Variants in EPB41L2 observed in about 807,000 individuals in gnomAD.
EPB41L2 encodes band 4.1-like protein 2.
EPB41L2 carries 43 observed loss-of-function variants against 113.0 expected under a neutral mutation model. The observed-to-expected ratio is 0.38, with a 90% CI of 0.30 to 0.49. The LOEUF (loss-of-function observed/expected upper bound fraction) is 0.49, where lower values mean the gene tolerates loss of function less well. EPB41L2 is among the 20% of genes least tolerant of loss of function. The probability of loss-of-function intolerance (pLI) is 0.95; values close to 1 mark genes in which losing one functional copy is unlikely to be tolerated. For missense variants in EPB41L2, 1,147 were observed against 1,223.4 expected, an observed-to-expected ratio of 0.94 and a Z score of 0.93; for synonymous variants, 442 against 436.7, an observed-to-expected ratio of 1.01 and a Z score of -0.15.
intron 10 of EPB41L2, among the ~76,000 whole-genome samples, chr6:130,892,687 T>A (rs569830208): frequency 6.6e-6 from 1 of 152,256 alleles, no homozygotes; most frequent in African/African-American, 2.4e-5. Flanking sequence ...CAAGAAAGAA[T>A]CATGTGTGCC....
In EPB41L2 at chr6:130,904,527, T is replaced by C. The variant is rs777207680; in HGVS notation, c.867A>G (p.Leu289=). The C allele has an allele frequency of 2.9e-5, 47 of 1,602,726 alleles. 1 individual carries two copies. Among genetic ancestry groups the C allele is most frequent in the South Asian group, 1.6e-4 (14 of 90,016 alleles). The change falls in exon 6 of 20, where the codon CTA becomes CTG. Residue 289 remains leucine, a synonymous_variant. Coordinates refer to ENST00000337057, the MANE Select transcript of EPB41L2 (RefSeq NM_001431.4). The part of the protein sequence containing the change: ...IKRQLRNLPW[L]FTFNVKFYPP... ...GATAAAACTTCACATTAAAAGTGAA[T>C]AGCCATGGAAGGTCTGTAATTATTA... is the stretch of plus-strand genomic sequence containing the variant.
chr6:131,013,590 G>A (rs1054227761), intron 1 of EPB41L2: 9 of 152,160 alleles, frequency 5.9e-5, no homozygotes, highest in Admixed American at 6.5e-5. Context: ...TAGAGTTGCT[G>A]TTTTTGCCTC....
At chr6:130,992,792 AT>A (rs1459701610) in intron 1 of EPB41L2, among the ~76,000 whole-genome samples, 1 of 145,390 alleles carries the variant, frequency 6.9e-6, no homozygotes, top group Non-Finnish European at 1.6e-5. Flanking sequence ...CGCCCAGCTA[AT>A]TTTTGTTATT....
At chr6:130,973,197 A>G (rs1245546782) in intron 1 of EPB41L2, among the ~76,000 whole-genome samples, 1 of 152,128 alleles carries the variant, frequency 6.6e-6, no homozygotes, top group African/African-American at 2.4e-5. Flanking sequence ...CTTTTTTAAA[A>G]ATTTTATTTT....
chr6:131,000,706 T>A (rs1487635385), intron 1 of EPB41L2: 1 of 152,216 alleles, frequency 6.6e-6, no homozygotes, highest in African/African-American at 2.4e-5. Context: ...TGTTACCACC[T>A]TGCTTGCTGG....
At chr6:130,967,083 A>G (rs1584058836) in intron 1 of EPB41L2, among the ~76,000 whole-genome samples, 1 of 152,110 alleles carries the variant, frequency 6.6e-6, no homozygotes, top group Non-Finnish European at 1.5e-5. Context: ...TCTTCATTTA[A>G]AAAAATACAG....
chr6:130,894,902 A>G (rs1012867269), intron 9 of EPB41L2, 65 bp downstream of exon 9: 10 of 1,448,052 alleles, frequency 6.9e-6, no homozygotes, highest in Non-Finnish European at 9.2e-6. Context: ...ATAGAAAAGA[A>G]TTTTTAAATT....
chr6:130,903,676 T>TTA (rs1796922977), intron 6 of EPB41L2, among the ~76,000 whole-genome samples: 1 of 149,448 alleles, frequency 6.7e-6, no homozygotes, highest in South Asian at 2.1e-4. Context: ...AATCATCCTT[T>TTA]AAAAAAAAAA....
chr6:130,915,973 C>T lies in EPB41L2; in HGVS notation c.811-7110G>A, dbSNP rs528349692. Reference sequence around the variant, plus strand: ...TATGTCTTTATCAGCAGTATGAAAACAGACTAATATACATACCTATTACTT... The same window carrying T: ...TATGTCTTTATCAGCAGTATGAAAATAGACTAATATACATACCTATTACTT... On this transcript the variant is annotated intron_variant, in intron 4 of 19. Transcript: ENST00000337057. 7.2e-5 allele frequency among the ~76,000 whole-genome samples: 11 copies of T among 152,272 alleles called. No individual in the cohort carries two copies. In the South Asian group the frequency reaches 2.1e-3, roughly 29 times the overall value.
At chr6:130,993,355 T>A (rs920458962) in intron 1 of EPB41L2, among the ~76,000 whole-genome samples, 1 of 152,136 alleles carries the variant, frequency 6.6e-6, no homozygotes, top group Non-Finnish European at 1.5e-5. Context: ...AAACCCAACA[T>A]ATATTTCTAA....
At chr6:130,874,868 C>A (rs922016976) in intron 14 of EPB41L2, among the ~76,000 whole-genome samples, 1 of 152,108 alleles carries the variant, frequency 6.6e-6, no homozygotes, top group African/African-American at 2.4e-5. Context: ...TCAAAGTTTC[C>A]TACTGCAAAA....
intron 1 of EPB41L2, among the ~76,000 whole-genome samples, chr6:131,007,757 T>A (rs1392242723): frequency 6.6e-6 from 1 of 152,198 alleles, no homozygotes; most frequent in Non-Finnish European, 1.5e-5. Context: ...ATTTTGCCCC[T>A]GCCCTAGAGA....
At chr6:130,885,379 AAC>A in intron 11 of EPB41L2, 111 bp from the exon 12 acceptor site, 1 of 947,830 alleles carries the variant, frequency 1.1e-6, no homozygotes, top group Non-Finnish European at 1.6e-6. Context: ...AGTGAACAGG[AAC>A]AGAGACATTG....
intron 1 of EPB41L2, among the ~76,000 whole-genome samples, chr6:131,040,642 A>G (rs1445813801): frequency 1.3e-5 from 2 of 152,208 alleles, no homozygotes; most frequent in African/African-American, 4.8e-5. Flanking sequence ...CTCCCAGATT[A>G]TATGCCAGTA....
chr6:130,899,976 T>C (rs1438500748), intron 7 of EPB41L2, among the ~76,000 whole-genome samples: 1 of 152,252 alleles, frequency 6.6e-6, no homozygotes, highest in Non-Finnish European at 1.5e-5. Context: ...ATAATAAAGA[T>C]TGAAATTACT....
chr6:131,000,148 T>C (rs1330677201), intron 1 of EPB41L2, among the ~76,000 whole-genome samples: 1 of 122,040 alleles, frequency 8.2e-6, no homozygotes, highest in East Asian at 2.8e-4. Context: ...TGTGGAATAG[T>C]GGCTTTTTAA....
intron 1 of EPB41L2, among the ~76,000 whole-genome samples, chr6:131,010,566 C>A (rs1341618952): frequency 6.6e-6 from 1 of 152,082 alleles, no homozygotes; most frequent in South Asian, 2.1e-4. Flanking sequence ...GTACACACCA[C>A]CATGCCCAGC....
intron 5 of EPB41L2, among the ~76,000 whole-genome samples, chr6:130,904,884 A>G (rs961760721): frequency 4.6e-5 from 7 of 150,846 alleles, no homozygotes; most frequent in African/African-American, 1.7e-4. Context: ...CAATTTAACC[A>G]CAGGATCTCC....
At chr6:130,926,954 T>C (rs908666194) in intron 3 of EPB41L2, among the ~76,000 whole-genome samples, 11 of 152,202 alleles carry the variant, frequency 7.2e-5, no homozygotes, top group Admixed American at 2.6e-4. Context: ...TGCTACTCAA[T>C]ATAGACATAA....
Sources: gnomAD v4.1 joint callset for allele counts (sites outside exome capture counted in the v4.1 genomes callset) on GRCh38, gnomAD v4.1.1 for gene constraint, MANE v1.5 for transcripts, NCBI Gene and HGNC (gene_info 2026-07-23, HGNC 2026-07-21) for gene names.